TYW1: variants seen among roughly 807,000 people sequenced by gnomAD.
TYW1 encodes the protein tRNA-yW synthesizing protein 1 homolog.
TYW1 carries 46 observed loss-of-function variants against 96.2 expected under a neutral mutation model. The observed-to-expected ratio is 0.48, with a 90% confidence interval of 0.38 to 0.61. TYW1 has a LOEUF of 0.61. Ranked by LOEUF, TYW1 falls within the 20% of genes least tolerant of loss-of-function variation. TYW1 has a pLI of 0.00. For synonymous variants in TYW1, 274 were observed against 323.0 expected (o/e 0.85, Z 1.63); for missense variants, 684 against 909.6 (o/e 0.75, Z 3.19).
intron 5 of TYW1, 136 bp downstream of exon 5, chr7:67,014,697 G>T (rs1793955550): frequency 9.6e-7 from 1 of 1,040,368 alleles, no homozygotes; most frequent in Admixed American, 3.0e-5. Context: ...ACAAACTTTG[G>T]TAGCTAGTAA....
intron 13 of TYW1, among the ~76,000 whole-genome samples, chr7:67,162,545 A>C (rs558483151): frequency 6.6e-6 from 1 of 152,138 alleles, no homozygotes; most frequent in Non-Finnish European, 1.5e-5. Context: ...ACTTTGTCTC[A>C]GTCGTTTTGT....
At chr7:67,148,913 A>T (rs1203461096) in intron 13 of TYW1, among the ~76,000 whole-genome samples, 1 of 152,210 alleles carries the variant, frequency 6.6e-6, no homozygotes, top group Non-Finnish European at 1.5e-5. Context: ...GCATTGAAGG[A>T]ACATTTTCAT....
At chr7:67,236,470 C>G (rs544301741) in intron 15 of TYW1, among the ~76,000 whole-genome samples, 1 of 152,258 alleles carries the variant, frequency 6.6e-6, no homozygotes, top group African/African-American at 2.4e-5. Flanking sequence ...TGTGAGCGGC[C>G]AGGGAAAAGG....
intron 15 of TYW1, 66 bp downstream of exon 15, chr7:67,195,403 C>T (rs1405918906): frequency 5.6e-6 from 9 of 1,603,476 alleles, no homozygotes; most frequent in African/African-American, 5.4e-5. Flanking sequence ...TCTCTTCTCT[C>T]TTTATTTTCC....
intron 9 of TYW1, among the ~76,000 whole-genome samples, chr7:67,057,303 G>A (rs1188894549): frequency 5.3e-5 from 8 of 150,980 alleles, no homozygotes; most frequent in Non-Finnish European, 7.4e-5. Context: ...TTGAGCCACC[G>A]TGCCTGGCCC....
intron 15 of TYW1, among the ~76,000 whole-genome samples, chr7:67,228,470 A>G (rs547172819): frequency 7.9e-5 from 12 of 152,316 alleles, no homozygotes; most frequent in African/African-American, 2.9e-4. Flanking sequence ...GGGAACTACA[A>G]TTCAAGATGA....
In TYW1 at chr7:67,142,876, A is replaced by AC. The variant is rs758516639; in HGVS notation, c.1698+25262dup. ...AGAGCAGCCTGGCCAACATGGTGAA[A>AC]CCCCATCTCTACTAAAAACACAAAA... On this transcript the variant is annotated intron_variant, in intron 13 of 15. Transcript: ENST00000359626. 1.2e-3 allele frequency among the ~76,000 whole-genome samples: 178 copies of AC among 151,312 alleles called. 1 individual carries two copies. The highest frequency in any genetic ancestry group is 1.9e-3 in the Non-Finnish European group (126 of 67,782).
intron 14 of TYW1, among the ~76,000 whole-genome samples, chr7:67,184,698 GT>G (rs575331915): frequency 7.0e-6 from 1 of 143,274 alleles, no homozygotes; most frequent in East Asian, 2.0e-4. Flanking sequence ...GTTATGTTAT[GT>G]TATGTTATGT....
At position 67,011,683 on chromosome 7, in the gene TYW1, C is replaced by G. The variant is rs556158658; in HGVS notation, c.375+1999C>G. ...GGTCAGGAGTTCGAGACCAGCCTGGCCAACACGGTGAAACCACGTCTCTAC... is the reference window on the plus strand; with the variant it reads ...GGTCAGGAGTTCGAGACCAGCCTGGGCAACACGGTGAAACCACGTCTCTAC... On this transcript the variant is annotated intron_variant, in intron 4 of 15. Transcript: ENST00000359626. 1.9e-3 allele frequency among the ~76,000 whole-genome samples: 287 copies of G among 151,910 alleles called. 1 individual carries two copies. Among genetic ancestry groups the G allele is most frequent in the African/African-American group, 5.9e-3 (243 of 41,454 alleles).
chr7:66,998,258 A>G, intron 2 of TYW1, 63 bp downstream of exon 2: 1 of 1,543,084 alleles, frequency 6.5e-7, no homozygotes, highest in Non-Finnish European at 8.7e-7. Flanking sequence ...GAGGATTTAA[A>G]TACTAAAAGG....
intron 15 of TYW1, among the ~76,000 whole-genome samples, chr7:67,211,057 C>T (rs543906460): frequency 5.3e-5 from 8 of 151,170 alleles, no homozygotes; most frequent in Admixed American, 3.3e-4. Context: ...CCAGTACTAC[C>T]TTATTTCTTT....
intron 13 of TYW1, among the ~76,000 whole-genome samples, chr7:67,152,694 C>T (rs1488239231): frequency 1.3e-5 from 2 of 152,126 alleles, no homozygotes; most frequent in Non-Finnish European, 2.9e-5. Flanking sequence ...CTCAGCCTCC[C>T]GGGTTCAAGT....
At chr7:67,032,885 C>CCTTTTTTTTTTT (rs1794712064) in intron 7 of TYW1, among the ~76,000 whole-genome samples, 1 of 76,256 alleles carries the variant, frequency 1.3e-5, no homozygotes, top group African/African-American at 6.0e-5. Flanking sequence ...AGAAGTATAC[C>CCTTTTTTTTTTT]TTTTTTTTTT....
At chr7:67,128,692 T>G (rs1383135201) in intron 13 of TYW1, among the ~76,000 whole-genome samples, 2 of 78,284 alleles carry the variant, frequency 2.6e-5, no homozygotes. Flanking sequence ...GTCTCAGTGT[T>G]TTTTTTTTTT....
intron 11 of TYW1, among the ~76,000 whole-genome samples, chr7:67,087,624 G>C (rs1416800644): frequency 6.6e-6 from 1 of 151,754 alleles, no homozygotes; most frequent in Admixed American, 6.6e-5. Context: ...GGATTGACTT[G>C]ATAACACGTT....
At chr7:67,029,845 C>G (rs56907687) in intron 7 of TYW1, among the ~76,000 whole-genome samples, 22,876 of 152,074 alleles carry the variant, frequency 0.15, 2,140 homozygotes, top group East Asian at 0.46. Context: ...GGACTACAGA[C>G]ACGCACCACC....
At position 67,098,660 on chromosome 7, in the gene TYW1, C is replaced by T. The variant is rs1252335534; in HGVS notation, c.1504C>T (p.His502Tyr). 9 of 1,614,082 alleles carry T rather than the reference C, an allele frequency of 5.6e-6. No individual in the cohort carries two copies. The Admixed American group carries it at 1.0e-4, about 18-fold the overall frequency. Residue 502 changes from histidine (H) to tyrosine (Y), a missense_variant, in exon 12 of 16, where the codon CAC becomes TAC. Physicochemically the swap from His to Tyr is moderately conservative, Grantham distance 83 (BLOSUM62 2). Coordinates refer to ENST00000359626, the MANE Select transcript of TYW1 (RefSeq NM_018264.4). ...PEINRFLKLL[H>Y]QCKISSFLVT... is the part of the protein sequence containing the mutation. The stretch of plus-strand genomic sequence containing the variant: ...GATCAACAGGTTTTTGAAGCTACTC[C>T]ACCAGTGTAAAATTTCCAGCTTCCT...
chr7:67,006,474 C>T (rs1485853750), intron 3 of TYW1, among the ~76,000 whole-genome samples: 2 of 148,412 alleles, frequency 1.3e-5, no homozygotes, highest in African/African-American at 5.0e-5. Context: ...GAGTCTCACC[C>T]AGTTGCCCAG....
rs568504899 is a variant in TYW1, at chr7:67,035,462, C to G, written c.984+10440C>G. ...CCTGAAATTAGACAAACTGCAAGGT[C>G]TGAGACCACAGTCTCCAAGACTGCT... is the stretch of plus-strand genomic sequence containing the variant. On this transcript the variant is annotated intron_variant, in intron 7 of 15. Coordinates refer to ENST00000359626, the MANE Select transcript of TYW1 (RefSeq NM_018264.4). 3.9e-3 allele frequency among the ~76,000 whole-genome samples: 593 copies of G among 152,202 alleles called. 5 individuals carry two copies. Among genetic ancestry groups the G allele is most frequent in the African/African-American group, 0.013 (549 of 41,488 alleles).
Sources: gnomAD v4.1 joint callset for allele counts (sites outside exome capture counted in the v4.1 genomes callset) on GRCh38, gnomAD v4.1.1 for gene constraint, MANE v1.5 for transcripts, NCBI Gene and HGNC (gene_info 2026-07-23, HGNC 2026-07-21) for gene names.